The following MLLT3 variants were observed in gnomAD, a reference collection of about 807,000 sequenced individuals.
The protein encoded by MLLT3 is MLLT3 super elongation complex subunit.
MLLT3 carries 4 observed loss-of-function variants against 53.2 expected under a neutral mutation model. The observed-to-expected ratio is 0.08, with a 90% confidence interval of 0.04 to 0.17. The LOEUF (loss-of-function observed/expected upper bound fraction) is 0.17. Ranked by LOEUF, MLLT3 falls within the 10% of genes least tolerant of loss-of-function variation. The pLI is 1.00. For synonymous variants in MLLT3, 283 were observed against 230.6 expected, an observed-to-expected ratio of 1.23 and a Z score of -2.06; for missense variants, 569 against 684.0, an observed-to-expected ratio of 0.83 and a Z score of 1.87.
chr9:20,396,041 C>T (rs1478668848), intron 5 of MLLT3, among the ~76,000 whole-genome samples: 1 of 152,110 alleles, frequency 6.6e-6, no homozygotes, highest in Non-Finnish European at 1.5e-5. Context: ...CAAGATGAAG[C>T]ATAAAGGCAA....
intron 2 of MLLT3, among the ~76,000 whole-genome samples, chr9:20,504,966 C>T (rs1477224313): frequency 6.6e-6 from 1 of 151,642 alleles, no homozygotes; most frequent in African/African-American, 2.4e-5. Context: ...CGGAAAGGAG[C>T]CCAAAAGTAG....
intron 10 of MLLT3, among the ~76,000 whole-genome samples, chr9:20,346,882 A>C (rs1820884376): frequency 1.3e-5 from 2 of 152,122 alleles, no homozygotes; most frequent in African/African-American, 4.8e-5. Flanking sequence ...ATAGCATTTC[A>C]AGACTCCTTT....
intron 2 of MLLT3, among the ~76,000 whole-genome samples, chr9:20,544,735 T>C (rs1484654426): frequency 6.6e-6 from 1 of 152,208 alleles, no homozygotes; most frequent in African/African-American, 2.4e-5. Context: ...TTTCTGGGTA[T>C]ATATCCATAG....
chr9:20,418,921 T>C (rs950435434), intron 4 of MLLT3, among the ~76,000 whole-genome samples: 5 of 152,178 alleles, frequency 3.3e-5, no homozygotes, highest in Non-Finnish European at 1.5e-5. Flanking sequence ...TCTAGGTGTA[T>C]AAACAAGAAA....
At chr9:20,481,314 G>A (rs768804986) in intron 2 of MLLT3, among the ~76,000 whole-genome samples, 7 of 152,100 alleles carry the variant, frequency 4.6e-5, no homozygotes, top group Non-Finnish European at 7.4e-5. Flanking sequence ...TTAATTTCCC[G>A]ATCGCTGTCA....
At chr9:20,487,028 A>G (rs529925763) in intron 2 of MLLT3, among the ~76,000 whole-genome samples, 3 of 152,136 alleles carry the variant, frequency 2.0e-5, no homozygotes, top group Non-Finnish European at 4.4e-5. Flanking sequence ...GTGTGTTAAG[A>G]TAACAAAATG....
intron 2 of MLLT3, among the ~76,000 whole-genome samples, chr9:20,518,282 G>A (rs940303606): frequency 5.3e-5 from 8 of 152,144 alleles, no homozygotes; most frequent in African/African-American, 1.9e-4. Context: ...GGAGGCAGAG[G>A]TTGCAGTGAG....
chr9:20,374,974 C>T (rs1563941730), intron 5 of MLLT3, among the ~76,000 whole-genome samples: 1 of 152,206 alleles, frequency 6.6e-6, no homozygotes, highest in Non-Finnish European at 1.5e-5. Flanking sequence ...CTTGTAAGAA[C>T]AGACACCAAA....
chr9:20,471,313 G>A (rs535339710), intron 2 of MLLT3, among the ~76,000 whole-genome samples: 130 of 152,024 alleles, frequency 8.6e-4, no homozygotes, highest in African/African-American at 3.1e-3. Flanking sequence ...ACAGTAATGC[G>A]ATGTTGAGTG....
chr9:20,615,472 T>G (rs570694121), intron 2 of MLLT3, among the ~76,000 whole-genome samples: 2 of 151,846 alleles, frequency 1.3e-5, no homozygotes, highest in African/African-American at 4.8e-5. Flanking sequence ...GAAAACAATT[T>G]TGTTAGGTAA....
intron 10 of MLLT3, among the ~76,000 whole-genome samples, chr9:20,353,309 C>G (rs1821082682): frequency 6.6e-6 from 1 of 152,210 alleles, no homozygotes; most frequent in African/African-American, 2.4e-5. Context: ...TCACCATCCA[C>G]TGCACTAGAG....
chr9:20,611,438 C>T (rs1820700251), intron 2 of MLLT3, among the ~76,000 whole-genome samples: 1 of 151,650 alleles, frequency 6.6e-6, no homozygotes, highest in Non-Finnish European at 1.5e-5. Context: ...GAGCATTTTG[C>T]CTGGTATTGA....
At chr9:20,400,440 G>T (rs1200762937) in intron 5 of MLLT3, among the ~76,000 whole-genome samples, 1 of 152,252 alleles carries the variant, frequency 6.6e-6, no homozygotes, top group Non-Finnish European at 1.5e-5. Flanking sequence ...CCAGTGGCTA[G>T]ATATTTGATG....
intron 2 of MLLT3, among the ~76,000 whole-genome samples, chr9:20,573,328 T>A (rs1410886325): frequency 6.6e-6 from 1 of 152,022 alleles, no homozygotes; most frequent in Non-Finnish European, 1.5e-5. Flanking sequence ...TATAGGCACA[T>A]GCCACTGTGC....
At chr9:20,354,720 A>C in intron 9 of MLLT3, 88 bp downstream of exon 9, 2 of 856,122 alleles carry the variant, frequency 2.3e-6, no homozygotes, top group Non-Finnish European at 3.9e-6. Flanking sequence ...AAATGAAAGG[A>C]GAACCAGCAA....
At chr9:20,590,320 T>C (rs1777741201) in intron 2 of MLLT3, among the ~76,000 whole-genome samples, 1 of 152,184 alleles carries the variant, frequency 6.6e-6, no homozygotes, top group South Asian at 2.1e-4. Flanking sequence ...AGAGTCCCTA[T>C]ACTTACTGCT....
intron 2 of MLLT3, among the ~76,000 whole-genome samples, chr9:20,541,534 C>T (rs1587047058): frequency 6.6e-6 from 1 of 152,288 alleles, no homozygotes; most frequent in South Asian, 2.1e-4. Flanking sequence ...AGAGACAGCA[C>T]AAAGGAGGAC....
Position 20,621,832 on chromosome 9 carries a change from C to A in MLLT3, c.12+413G>T, listed in dbSNP as rs1262467842. 7.1e-6 allele frequency: 10 copies of A among 1,405,562 alleles called. No homozygotes were observed. The highest frequency in any genetic ancestry group is 1.6e-5 in the South Asian group (1 of 64,140). The allele number at this position is 1,405,562 out of a possible 1,614,324, so 87.1% of individuals were successfully genotyped here. A position where few individuals can be genotyped will look rare whatever the true frequency, so the allele number is the denominator to read the frequency against. On this transcript the variant is annotated intron_variant, in intron 1 of 10. Transcript: ENST00000380338. The surrounding 1 kb of genome is among the most constrained non-coding windows in gnomAD (Gnocchi z 7.0). ...GCCGCCGAGGCTGCTCGCCGCGTCC[C>A]CGGACTGTGCCCGCAGCTCCCGGCG...
intron 4 of MLLT3, among the ~76,000 whole-genome samples, chr9:20,440,946 C>T (rs537822100): frequency 2.6e-5 from 4 of 152,174 alleles, no homozygotes; most frequent in South Asian, 2.1e-4. Flanking sequence ...TTAAGAGTTT[C>T]GTACATACAG....
Sources: allele counts gnomAD v4.1 joint callset (sites outside exome capture counted in the v4.1 genomes callset), GRCh38; gene constraint gnomAD v4.1.1; non-coding constraint Gnocchi (gnomAD v3.1); transcripts MANE v1.5; gene names NCBI Gene and HGNC (gene_info 2026-07-23, HGNC 2026-07-21).